The following FBXW8 variants were observed in gnomAD, a reference collection of about 807,000 sequenced individuals.
The protein encoded by FBXW8 is F-box and WD repeat domain containing 8.
FBXW8 carries 57 observed loss-of-function variants against 65.3 expected under a neutral mutation model. That is an observed-to-expected ratio of 0.87 (90% confidence interval 0.71 to 1.09). The LOEUF (loss-of-function observed/expected upper bound fraction) is 1.09. Ranked by LOEUF, FBXW8 falls within the 50% of genes least tolerant of loss-of-function variation. The probability of loss-of-function intolerance (pLI) is 0.00; values close to 1 mark genes in which losing one functional copy is unlikely to be tolerated. For missense variants in FBXW8, 777 were observed against 814.8 expected, an observed-to-expected ratio of 0.95 and a Z score of 0.57; for synonymous variants, 308 against 330.2, an observed-to-expected ratio of 0.93 and a Z score of 0.73.
chr12:116,990,727 C>T (rs1432760003), intron 7 of FBXW8, among the ~76,000 whole-genome samples: 1 of 152,172 alleles, frequency 6.6e-6, no homozygotes, highest in Non-Finnish European at 1.5e-5. Context: ...CACAAGGATC[C>T]TTCAGATACA....
In FBXW8 at chr12:116,993,098, C is replaced by CTTTTTTTTTTTTTTTTTTTTT. The variant is rs71099026; in HGVS notation, c.1239+4232_1239+4252dup. Among the ~76,000 whole-genome samples the CTTTTTTTTTTTTTTTTTTTTT allele has an allele frequency of 2.3e-5, 2 of 85,420 alleles. 1 individual carries two copies. The allele number at this position is 85,420 out of a possible 152,430, so 56.0% of individuals were successfully genotyped here. On this transcript the variant is annotated intron_variant, in intron 7 of 10. Coordinates refer to ENST00000652555, the MANE Select transcript of FBXW8 (RefSeq NM_153348.3). The stretch of plus-strand genomic sequence containing the variant: ...CATACCAACATCTATTGATTTTTGA[C>CTTTTTTTTTTTTTTTTTTTTT]TTTTTTTTTTTTTTTTTTTTTTTGA...
At chr12:116,940,493 CTTT>C (rs35452609) in intron 2 of FBXW8, among the ~76,000 whole-genome samples, 4 of 137,402 alleles carry the variant, frequency 2.9e-5, no homozygotes, top group Admixed American at 2.9e-4. Flanking sequence ...GGATGGTGGG[CTTT>C]TTTTTTTTTT....
At chr12:117,019,779 C>A (rs1954044853) in intron 8 of FBXW8, among the ~76,000 whole-genome samples, 1 of 152,166 alleles carries the variant, frequency 6.6e-6, no homozygotes, top group Non-Finnish European at 1.5e-5. Flanking sequence ...GTTTTTTAAA[C>A]ATGGCAGCGT....
intron 4 of FBXW8, chr12:116,951,281 G>C (rs1440893498): frequency 2.6e-5 from 4 of 152,182 alleles, no homozygotes. Context: ...AGTCTTGCTT[G>C]TATGTAGAGC....
At chr12:116,997,303 C>G (rs79122012) in intron 7 of FBXW8, among the ~76,000 whole-genome samples, 4,385 of 152,114 alleles carry the variant, frequency 0.029, 183 homozygotes, top group East Asian at 0.19. Context: ...ATTACAGAAG[C>G]CATGATCTTT....
chr12:116,916,930 G>A (rs1880473434), intron 1 of FBXW8, among the ~76,000 whole-genome samples: 1 of 151,468 alleles, frequency 6.6e-6, no homozygotes, highest in South Asian at 2.1e-4. Flanking sequence ...GAGAGAGAAA[G>A]AGGTGTGTAT....
rs1417867493 is a variant in FBXW8 at position 116,962,461 on chromosome 12, C to T, written c.678-2236C>T. Among the ~76,000 whole-genome samples, 3 of 152,198 alleles carry T rather than the reference C, an allele frequency of 2.0e-5. No homozygotes were observed. In the East Asian group the frequency reaches 5.8e-4, roughly 29 times the overall value. On this transcript the variant is annotated intron_variant, in intron 4 of 10. Transcript: ENST00000652555. ...CCACCTAAACCGTCTTTCCTCTCCACCCTCGCCTCCCCACTGTGTCCCCTG... is the reference window on the plus strand; with the variant it reads ...CCACCTAAACCGTCTTTCCTCTCCATCCTCGCCTCCCCACTGTGTCCCCTG...
chr12:117,005,074 G>C (rs1293045442), intron 7 of FBXW8, among the ~76,000 whole-genome samples: 1 of 152,212 alleles, frequency 6.6e-6, no homozygotes, highest in South Asian at 2.1e-4. Flanking sequence ...CTGTCGGACT[G>C]GATGTAGTTG....
intron 1 of FBXW8, among the ~76,000 whole-genome samples, chr12:116,914,407 A>G (rs1415955513): frequency 6.8e-6 from 1 of 147,956 alleles, no homozygotes; most frequent in Non-Finnish European, 1.5e-5. Flanking sequence ...ACGTAGAGAA[A>G]CCCCATCTCT....
chr12:116,931,199 C>T (rs1454847352), intron 2 of FBXW8, among the ~76,000 whole-genome samples: 6 of 152,172 alleles, frequency 3.9e-5, no homozygotes, highest in Admixed American at 3.3e-4. Context: ...TGTAAATGCA[C>T]AGGCTTATTT....
At chr12:116,943,534 C>G (rs1882741774) in intron 2 of FBXW8, among the ~76,000 whole-genome samples, 1 of 152,128 alleles carries the variant, frequency 6.6e-6, no homozygotes, top group Admixed American at 6.5e-5. Flanking sequence ...AGTAAGTCTC[C>G]CAGCCTTTGC....
chr12:117,030,873 A>T lies in FBXW8; in HGVS notation c.*2701A>T, dbSNP rs565486083. 1 of 152,376 alleles carries T rather than the reference A, an allele frequency of 6.6e-6. No individual in the cohort carries two copies. The highest frequency in any genetic ancestry group is 2.1e-4 in the South Asian group (1 of 4,830). The allele number at this position is 152,376 out of a possible 1,614,324, so 9.4% of individuals were successfully genotyped here. ...GATAAATGCTCCTTTATAAGCCAAC[A>T]TGTATCCAAATTAAGCCCCCTTACC... On this transcript the variant is annotated 3_prime_UTR_variant, in exon 11 of 11. Coordinates refer to ENST00000652555, the MANE Select transcript of FBXW8 (RefSeq NM_153348.3).
At chr12:116,964,934 C>G in intron 5 of FBXW8, 80 bp downstream of exon 5, 3 of 1,422,242 alleles carry the variant, frequency 2.1e-6, no homozygotes, top group Non-Finnish European at 2.8e-6. Context: ...CGGCTCCCCC[C>G]TGTAATCCCT....
chr12:116,970,477 T>C lies in FBXW8; in HGVS notation c.835+5623T>C, dbSNP rs74422561. Among the ~76,000 whole-genome samples, 911 of 152,318 alleles carry C rather than the reference T, an allele frequency of 6.0e-3. 5 individuals carry two copies. Among genetic ancestry groups the C allele is most frequent in the African/African-American group, 0.02 (852 of 41,572 alleles). On this transcript the variant is annotated intron_variant, in intron 5 of 10. Coordinates refer to ENST00000652555, the MANE Select transcript of FBXW8 (RefSeq NM_153348.3). ...GAGGTGACTATGATTTCTCATTTAC[T>C]GACGTATCAACAATGGACGGGGGTG... is the stretch of plus-strand genomic sequence containing the variant.
intron 9 of FBXW8, among the ~76,000 whole-genome samples, chr12:117,025,287 CTG>C (rs1461090758): frequency 1.3e-5 from 2 of 152,206 alleles, no homozygotes; most frequent in Non-Finnish European, 2.9e-5. Context: ...GCTGCAGTGA[CTG>C]TGTCACTGTA....
intron 1 of FBXW8, among the ~76,000 whole-genome samples, chr12:116,919,360 TG>T (rs1385561138): frequency 1.3e-5 from 2 of 152,240 alleles, no homozygotes; most frequent in Non-Finnish European, 2.9e-5. Flanking sequence ...CTGGCTCTGC[TG>T]TTACCAGTTT....
chr12:116,918,567 A>G (rs965571429), intron 1 of FBXW8, among the ~76,000 whole-genome samples: 3 of 152,078 alleles, frequency 2.0e-5, no homozygotes, highest in African/African-American at 7.2e-5. Context: ...GCTACCAGCA[A>G]CTCTAGTCTT....
At chr12:117,019,921 C>T (rs1423783569) in intron 8 of FBXW8, among the ~76,000 whole-genome samples, 1 of 152,186 alleles carries the variant, frequency 6.6e-6, no homozygotes, top group African/African-American at 2.4e-5. Flanking sequence ...AGGAAGTACG[C>T]ACATTCAAAA....
chr12:116,955,672 G>GAGAAAGAGTAGA (rs1323143073), intron 4 of FBXW8, among the ~76,000 whole-genome samples: 1 of 152,192 alleles, frequency 6.6e-6, no homozygotes, highest in African/African-American at 2.4e-5. Flanking sequence ...TATCCTTGAG[G>GAGAAAGAGTAGA]AGAAAGAGTA....
Sources: gnomAD v4.1 joint callset for allele counts (sites outside exome capture counted in the v4.1 genomes callset) on GRCh38, gnomAD v4.1.1 for gene constraint, MANE v1.5 for transcripts, NCBI Gene and HGNC (gene_info 2026-07-23, HGNC 2026-07-21) for gene names.